Variants in CHRM2 observed in about 807,000 individuals in gnomAD.
CHRM2 encodes the protein cholinergic receptor muscarinic 2, also known as muscarinic acetylcholine receptor M2.
In CHRM2, 8 loss-of-function variants were observed where a neutral mutation model predicts 25.0. That is an observed-to-expected ratio of 0.32 (90% confidence interval 0.19 to 0.58). CHRM2 has a LOEUF of 0.58. Among genes scored for constraint, CHRM2 ranks in the 20% least tolerant of loss-of-function variants. The pLI is 0.88. For synonymous variants in CHRM2, 202 were observed against 205.7 expected, an observed-to-expected ratio of 0.98 and a Z score of 0.15; for missense variants, 440 against 567.1, an observed-to-expected ratio of 0.78 and a Z score of 2.28.
At chr7:136,921,654 CCTT>C (rs1317435433) in intron 2 of CHRM2, among the ~76,000 whole-genome samples, 1 of 152,112 alleles carries the variant, frequency 6.6e-6, no homozygotes, top group African/African-American at 2.4e-5. Flanking sequence ...TTCCCCACTG[CCTT>C]CTTGTCACCC....
intron 2 of CHRM2, among the ~76,000 whole-genome samples, chr7:136,915,858 A>AT (rs113903060): frequency 0.085 from 12,046 of 141,770 alleles, 542 homozygotes; most frequent in African/African-American, 0.13. Flanking sequence ...GAAAAGAAAC[A>AT]TTTTTTTTTT....
intron 2 of CHRM2, among the ~76,000 whole-genome samples, chr7:136,964,841 G>A (rs569456264): frequency 1.3e-5 from 2 of 152,240 alleles, no homozygotes; most frequent in African/African-American, 4.8e-5. Flanking sequence ...TTTATTTAAA[G>A]TGTCCAAAAC....
intron 2 of CHRM2, among the ~76,000 whole-genome samples, chr7:136,930,037 T>C (rs1245110491): frequency 6.6e-6 from 1 of 151,848 alleles, no homozygotes; most frequent in Non-Finnish European, 1.5e-5. Context: ...GATTGCCAGA[T>C]TGCACTTAAT....
chr7:137,018,938 C>T lies in CHRM2; in HGVS notation c.*2672C>T, dbSNP rs1407245285. ...CAAACAGAGACAATTCCCCTCTCCC[C>T]GAAAGGGGACACTTAGCAATGTGTA... On this transcript the variant is annotated 3_prime_UTR_variant, in exon 4 of 4. Coordinates refer to ENST00000680005, the MANE Select transcript of CHRM2 (RefSeq NM_001006630.2). 2 of 151,872 alleles carry T rather than the reference C, an allele frequency of 1.3e-5. No individual in the cohort carries two copies. The highest frequency in any genetic ancestry group is 1.3e-4 in the Admixed American group (2 of 15,194). 9.4% of individuals were successfully genotyped at this position (151,872 alleles called of 1,614,324 possible). A position where few individuals can be genotyped will look rare whatever the true frequency, so the allele number is the denominator to read the frequency against.
chr7:136,935,496 A>C (rs2130796001), intron 2 of CHRM2, among the ~76,000 whole-genome samples: 1 of 152,288 alleles, frequency 6.6e-6, no homozygotes, highest in Non-Finnish European at 1.5e-5. Context: ...AAGAATAAAG[A>C]GGAAACGTTC....
intron 2 of CHRM2, among the ~76,000 whole-genome samples, chr7:136,928,677 G>A (rs568653977): frequency 9.9e-5 from 15 of 152,234 alleles, no homozygotes; most frequent in South Asian, 4.1e-4. Context: ...AGACCGTAGC[G>A]CAAAGGAGCT....
chr7:136,983,217 T>C (rs1349383283), intron 2 of CHRM2, among the ~76,000 whole-genome samples: 1 of 152,230 alleles, frequency 6.6e-6, no homozygotes, highest in Non-Finnish European at 1.5e-5. Flanking sequence ...TTATTCTTTC[T>C]TCCACTTGAT....
At position 136,913,573 on chromosome 7, in the gene CHRM2, C is replaced by A. The variant is rs561585287; in HGVS notation, c.-125+44155C>A. ...ATACCTTTGACCTAATAACCAATAC[C>A]TAATCACCAAAATAACCAAAACCTA... On this transcript the variant is annotated intron_variant, in intron 2 of 3. Transcript: ENST00000680005. 2.0e-5 allele frequency among the ~76,000 whole-genome samples: 3 copies of A among 150,760 alleles called. No homozygotes were observed. In the South Asian group the frequency reaches 6.2e-4, roughly 31 times the overall value.
chr7:136,928,810 T>C (rs7790583), intron 2 of CHRM2, among the ~76,000 whole-genome samples: 36,346 of 152,136 alleles, frequency 0.24, 5,717 homozygotes, highest in Non-Finnish European at 0.35. Flanking sequence ...AAGTGTTAGG[T>C]TGGTGCAAAA....
At chr7:136,985,518 A>AC (rs1802796423) in intron 2 of CHRM2, among the ~76,000 whole-genome samples, 3 of 151,692 alleles carry the variant, frequency 2.0e-5, no homozygotes, top group African/African-American at 7.2e-5. Flanking sequence ...AAAAAAAAAA[A>AC]AAAAAAAAAA....
At chr7:136,936,336 G>A (rs1302036266) in intron 2 of CHRM2, among the ~76,000 whole-genome samples, 5 of 152,034 alleles carry the variant, frequency 3.3e-5, no homozygotes, top group African/African-American at 1.2e-4. Flanking sequence ...TGGAGCAAAA[G>A]GAATATTTTA....
chr7:136,903,088 G>T, intron 2 of CHRM2: 1 of 525,386 alleles, frequency 1.9e-6, no homozygotes, highest in South Asian at 1.4e-5. Flanking sequence ...ACAAACAACA[G>T]AAACTCATTT....
At chr7:136,947,221 T>C (rs999657968) in intron 2 of CHRM2, among the ~76,000 whole-genome samples, 1 of 152,192 alleles carries the variant, frequency 6.6e-6, no homozygotes, top group Admixed American at 6.6e-5. Context: ...TTTTCTTTTT[T>C]TCATTTTATT....
At chr7:136,994,465 T>C (rs1006099326) in intron 3 of CHRM2, among the ~76,000 whole-genome samples, 25 of 151,772 alleles carry the variant, frequency 1.6e-4, no homozygotes, top group Non-Finnish European at 2.9e-4. Flanking sequence ...AGAGAGGTAC[T>C]TATTTGGTTA....
chr7:136,979,197 A>G (rs1204318239), intron 2 of CHRM2, among the ~76,000 whole-genome samples: 1 of 152,170 alleles, frequency 6.6e-6, no homozygotes, highest in African/African-American at 2.4e-5. Flanking sequence ...TTCTCTAATG[A>G]CATGTGATGA....
At chr7:136,970,018 A>T (rs2130925878) in intron 2 of CHRM2, among the ~76,000 whole-genome samples, 1 of 152,286 alleles carries the variant, frequency 6.6e-6, no homozygotes, top group African/African-American at 2.4e-5. Flanking sequence ...TGCATGGAAG[A>T]GTTCTTTAGT....
At chr7:136,951,136 G>A (rs1341173392) in intron 2 of CHRM2, 3 of 152,134 alleles carry the variant, frequency 2.0e-5, no homozygotes, top group Non-Finnish European at 4.4e-5. Context: ...AACAGAGGAG[G>A]CCCCCTGGGT....
chr7:136,875,531 A>G (rs1796020222), intron 2 of CHRM2, among the ~76,000 whole-genome samples: 1 of 152,042 alleles, frequency 6.6e-6, no homozygotes, highest in African/African-American at 2.4e-5. Context: ...CGCACCTCTC[A>G]CATGAACTAT....
At chr7:136,942,744 A>G (rs1799845961) in intron 2 of CHRM2, among the ~76,000 whole-genome samples, 1 of 152,110 alleles carries the variant, frequency 6.6e-6, no homozygotes, top group Non-Finnish European at 1.5e-5. Context: ...TAGTTTTCCC[A>G]TATCTCTTTA....
Sources: allele counts gnomAD v4.1 joint callset (sites outside exome capture counted in the v4.1 genomes callset), GRCh38; gene constraint gnomAD v4.1.1; transcripts MANE v1.5; gene names NCBI Gene and HGNC (gene_info 2026-07-23, HGNC 2026-07-21).